MPHOSPH9: variants seen among roughly 807,000 people sequenced by gnomAD.
MPHOSPH9 encodes M-phase phosphoprotein 9.
A neutral mutation model predicts 145.5 loss-of-function variants in MPHOSPH9; 88 were observed. The observed-to-expected ratio is 0.60, with a 90% CI of 0.51 to 0.72. MPHOSPH9 has a LOEUF of 0.72. MPHOSPH9 is among the 30% of genes least tolerant of loss of function. MPHOSPH9 has a pLI of 0.00. For missense variants in MPHOSPH9, 1,238 were observed against 1,386.6 expected (o/e 0.89, Z 1.70); for synonymous variants, 435 against 486.2 (o/e 0.89, Z 1.39).
upstream of MPHOSPH9, among the ~76,000 whole-genome samples, chr12:123,235,408 T>TTGTG (rs3038484): frequency 8.4e-4 from 127 of 151,110 alleles, 1 homozygote; most frequent in East Asian, 0.016. Flanking sequence ...GTAGTGAGTT[T>TTGTG]TGTGTGTGTG....
chr12:123,154,215 T>G lies in MPHOSPH9; in HGVS notation c.*2592A>C, dbSNP rs1454187221. 1 of 78,998 alleles carries G rather than the reference T, an allele frequency of 1.3e-5. No individual in the cohort carries two copies. Among genetic ancestry groups the G allele is most frequent in the South Asian group, 3.3e-4 (1 of 3,008 alleles). 4.9% of individuals were successfully genotyped at this position (78,998 alleles called of 1,614,324 possible). A position where few individuals can be genotyped will look rare whatever the true frequency, so the allele number is the denominator to read the frequency against. On this transcript the variant is annotated 3_prime_UTR_variant, in exon 24 of 24. Transcript: ENST00000606320. ...CCAGAGGTGGCAGATTTGCTTAGGG[T>G]TTTTTTTTTTTTTTTCTTTTTAAAC...
intron 4 of MPHOSPH9, 112 bp downstream of exon 4, chr12:123,222,926 G>T: frequency 1.6e-6 from 1 of 631,044 alleles, no homozygotes; most frequent in Non-Finnish European, 2.4e-6. Flanking sequence ...ACAAGAGTGA[G>T]ACTCCATTTC....
intron 12 of MPHOSPH9, among the ~76,000 whole-genome samples, chr12:123,196,116 G>A (rs573273353): frequency 2.0e-5 from 3 of 151,942 alleles, no homozygotes; most frequent in East Asian, 1.9e-4. Context: ...TTGGGAGGCC[G>A]AAGCGGGCAG....
At chr12:123,197,738 C>T (rs1389770888) in intron 12 of MPHOSPH9, among the ~76,000 whole-genome samples, 6 of 148,144 alleles carry the variant, frequency 4.1e-5, no homozygotes, top group East Asian at 2.0e-4. Context: ...GCTGAGATCG[C>T]GCAACTGCAC....
At chr12:123,165,015 C>CAAAAAAAAA (rs35219995) in intron 18 of MPHOSPH9, among the ~76,000 whole-genome samples, 2 of 83,242 alleles carry the variant, frequency 2.4e-5, no homozygotes, top group Non-Finnish European at 4.4e-5. Context: ...CTCACTGTCT[C>CAAAAAAAAA]AAAAAAAAAA....
At chr12:123,209,743 T>TG (rs1053656307) in intron 8 of MPHOSPH9, among the ~76,000 whole-genome samples, 6 of 148,670 alleles carry the variant, frequency 4.0e-5, no homozygotes, top group Non-Finnish European at 6.0e-5. Context: ...TGTTGTTTTT[T>TG]TTTTTTTTTT....
At chr12:123,212,786 T>A (rs1283954777) in intron 7 of MPHOSPH9, among the ~76,000 whole-genome samples, 1 of 139,636 alleles carries the variant, frequency 7.2e-6, no homozygotes, top group African/African-American at 2.8e-5. Flanking sequence ...TTTTTTTTTT[T>A]ACTTTATCAT....
chr12:123,161,336 A>G lies in MPHOSPH9; in HGVS notation c.3181T>C (p.Ser1061Pro). ...CCATTTGGCACCGGTTCAGGGCAAGAGCTATGATTAACATGGTTATCGGTG... is the reference window on the plus strand; with the variant it reads ...CCATTTGGCACCGGTTCAGGGCAAGGGCTATGATTAACATGGTTATCGGTG... ...KATDNHVNHS[S>P]CPEPVPNGVK... The change falls in exon 22 of 24, where the codon TCT (serine) becomes CCT (proline). Residue 1061 changes from serine (S) to proline (P), a missense_variant. Coordinates refer to ENST00000606320, the MANE Select transcript of MPHOSPH9 (RefSeq NM_022782.4). 10 of 1,614,066 alleles carry G rather than the reference A, an allele frequency of 6.2e-6. No individual in the cohort carries two copies. The highest frequency in any genetic ancestry group is 8.5e-6 in the Non-Finnish European group (10 of 1,180,000).
At chr12:123,175,107 T>C (rs1056911872) in intron 16 of MPHOSPH9, among the ~76,000 whole-genome samples, 2 of 151,988 alleles carry the variant, frequency 1.3e-5, no homozygotes, top group African/African-American at 2.4e-5. Context: ...TTTTACCACA[T>C]AAAAACCTTC....
intron 8 of MPHOSPH9, among the ~76,000 whole-genome samples, chr12:123,206,257 C>T (rs1445932591): frequency 1.3e-5 from 2 of 149,718 alleles, no homozygotes; most frequent in African/African-American, 4.9e-5. Flanking sequence ...GAGAGACCAG[C>T]TTGGGCAACA....
At chr12:123,181,655 CAA>C (rs2045152293) in intron 13 of MPHOSPH9, among the ~76,000 whole-genome samples, 1 of 151,924 alleles carries the variant, frequency 6.6e-6, no homozygotes, top group African/African-American at 2.4e-5. Context: ...CCTGAAAGCT[CAA>C]GAGTTCAAGG....
In MPHOSPH9 at chr12:123,184,113, G is replaced by C. The variant is rs148234445; in HGVS notation, c.2242-2903C>G. On this transcript the variant is annotated intron_variant, in intron 13 of 23. Transcript: ENST00000606320. ...CCCAGCTACTGGGGAGGCTGAGGCA[G>C]GAAGATTCCTCGAGCCCAGGGGTTT... Among the ~76,000 whole-genome samples, 675 of 151,788 alleles carry C rather than the reference G, an allele frequency of 4.4e-3. 20 individuals carry two copies. The highest frequency in any genetic ancestry group is 0.041 in the East Asian group (210 of 5,128).
chr12:123,193,823 G>GTT lies in MPHOSPH9; in HGVS notation c.2241+561_2241+562dup, dbSNP rs35393288. On this transcript the variant is annotated intron_variant, in intron 13 of 23. Transcript: ENST00000606320. ...TGAAAGTTGACCTGATGCAGACACA[G>GTT]TTTTTTTTTTTTTTTTAAGTTGACC... 4.1e-3 allele frequency among the ~76,000 whole-genome samples: 601 copies of GTT among 146,246 alleles called. 4 individuals carry two copies. Among genetic ancestry groups the GTT allele is most frequent in the South Asian group, 0.019 (89 of 4,680 alleles).
intron 13 of MPHOSPH9, among the ~76,000 whole-genome samples, chr12:123,190,813 G>C (rs186451523): frequency 1.3e-5 from 2 of 152,262 alleles, no homozygotes; most frequent in Admixed American, 1.3e-4. Context: ...AGAAGACAGT[G>C]TTTCACTCTA....
intron 13 of MPHOSPH9, among the ~76,000 whole-genome samples, chr12:123,190,595 T>C (rs2045635948): frequency 1.3e-5 from 2 of 152,138 alleles, no homozygotes; most frequent in South Asian, 4.1e-4. Context: ...ACATGGCAAA[T>C]CTCAGAAACA....
At chr12:123,201,278 G>T (rs1486624117) in intron 11 of MPHOSPH9, among the ~76,000 whole-genome samples, 2 of 152,164 alleles carry the variant, frequency 1.3e-5, no homozygotes, top group Non-Finnish European at 2.9e-5. Context: ...CCAGACGGAA[G>T]ATTTTAGTTC....
chr12:123,199,171 G>C (rs566365806), intron 11 of MPHOSPH9, among the ~76,000 whole-genome samples: 1 of 152,128 alleles, frequency 6.6e-6, no homozygotes, highest in South Asian at 2.1e-4. Flanking sequence ...ATTTTTTGTA[G>C]AGATGGGATC....
chr12:123,182,249 G>GTTTTTTT (rs72067812), intron 13 of MPHOSPH9, among the ~76,000 whole-genome samples: 3 of 137,262 alleles, frequency 2.2e-5, no homozygotes, highest in Non-Finnish European at 3.1e-5. Context: ...TTTTTTTTGT[G>GTTTTTTT]TTTTTTTTTT....
At position 123,214,806 on chromosome 12, in the gene MPHOSPH9, C is replaced by A. The variant is rs773625797; in HGVS notation, c.1025G>T (p.Arg342Leu). ...KSDFAAATHP[R>L]AFYLSKPDET... ...ATCTGGTTTACTGAGGTAAAAAGCA[C>A]GAGGATGTGTAGCAGCAGCAAAATC... Residue 342 changes from arginine to leucine, a missense_variant, in exon 7 of 24, where the codon CGT (arginine) becomes CTT (leucine). By Grantham distance (102) the Arg-to-Leu change is moderately radical. Coordinates refer to ENST00000606320, the MANE Select transcript of MPHOSPH9 (RefSeq NM_022782.4). The A allele has an allele frequency of 4.3e-6, 7 of 1,613,278 alleles. No individual in the cohort carries two copies. In the Admixed American group the frequency reaches 1.2e-4, roughly 27 times the overall value.
Sources: gnomAD v4.1 joint callset for allele counts (sites outside exome capture counted in the v4.1 genomes callset) on GRCh38, gnomAD v4.1.1 for gene constraint, MANE v1.5 for transcripts, NCBI Gene and HGNC (gene_info 2026-07-23, HGNC 2026-07-21) for gene names.